Variants in PDE4B observed in about 807,000 individuals in gnomAD.
The protein encoded by PDE4B is phosphodiesterase 4B.
Under a neutral mutation model 82.2 loss-of-function variants are expected in PDE4B, and 20 were observed. The observed-to-expected ratio is 0.24, with a 90% CI of 0.17 to 0.35. PDE4B has a LOEUF of 0.35. Among genes scored for constraint, PDE4B ranks in the 10% least tolerant of loss-of-function variants. PDE4B has a pLI of 1.00. For synonymous variants in PDE4B, 320 were observed against 318.9 expected (o/e 1.00, Z -0.04); for missense variants, 655 against 907.2 (o/e 0.72, Z 3.57).
intron 3 of PDE4B, among the ~76,000 whole-genome samples, chr1:66,149,565 C>T (rs1004211852): frequency 6.6e-6 from 1 of 152,144 alleles, no homozygotes; most frequent in African/African-American, 2.4e-5. Context: ...CTTTCTTCTG[C>T]AACTTAAGGT....
At chr1:66,107,490 A>G (rs539465870) in intron 3 of PDE4B, among the ~76,000 whole-genome samples, 3 of 148,074 alleles carry the variant, frequency 2.0e-5, no homozygotes, top group Non-Finnish European at 4.5e-5. Context: ...AGCTGTTCAC[A>G]TAATTTAGGA....
chr1:66,184,843 C>CT (rs71058455), intron 3 of PDE4B, among the ~76,000 whole-genome samples: 27,658 of 150,744 alleles, frequency 0.18, 2,661 homozygotes, highest in Non-Finnish European at 0.2. Context: ...CCCCAGTTTA[C>CT]TTTTTTTTAT....
At chr1:66,056,989 A>G (rs1655336305) in intron 3 of PDE4B, among the ~76,000 whole-genome samples, 1 of 152,182 alleles carries the variant, frequency 6.6e-6, no homozygotes, top group Non-Finnish European at 1.5e-5. Flanking sequence ...AAACTAATAC[A>G]TGTGTACATT....
intron 7 of PDE4B, among the ~76,000 whole-genome samples, chr1:66,269,578 T>C (rs1205177702): frequency 6.6e-6 from 1 of 152,212 alleles, no homozygotes; most frequent in Non-Finnish European, 1.5e-5. Context: ...CCTGTACATA[T>C]TCACAACAGA....
intron 3 of PDE4B, among the ~76,000 whole-genome samples, chr1:66,012,147 T>A (rs918872369): frequency 6.6e-6 from 1 of 152,142 alleles, no homozygotes; most frequent in South Asian, 2.1e-4. Flanking sequence ...AGTTGGGAAC[T>A]CCTAGGGGTT....
chr1:65,898,702 A>G (rs1197119200), intron 1 of PDE4B, among the ~76,000 whole-genome samples: 1 of 152,116 alleles, frequency 6.6e-6, no homozygotes, highest in African/African-American at 2.4e-5. Context: ...GCAAACAAAA[A>G]CATAAAGTGG....
intron 1 of PDE4B, among the ~76,000 whole-genome samples, chr1:65,873,058 G>A (rs902756425): frequency 6.6e-6 from 1 of 152,142 alleles, no homozygotes; most frequent in African/African-American, 2.4e-5. Flanking sequence ...AAAAGCCCCT[G>A]CTTTTCCAGA....
intron 1 of PDE4B, among the ~76,000 whole-genome samples, chr1:65,871,747 G>T (rs532549472): frequency 3.3e-5 from 5 of 152,232 alleles, no homozygotes; most frequent in African/African-American, 9.6e-5. Context: ...GTGTCTGTCT[G>T]CCTGGCTGAC....
chr1:65,912,132 ACTT>A (rs1315226242), intron 1 of PDE4B, among the ~76,000 whole-genome samples: 1 of 152,090 alleles, frequency 6.6e-6, no homozygotes, highest in Non-Finnish European at 1.5e-5. Context: ...ATGGACTAAT[ACTT>A]CTTGGATTTT....
At chr1:65,958,446 G>C (rs545427150) in intron 3 of PDE4B, among the ~76,000 whole-genome samples, 97 of 151,950 alleles carry the variant, frequency 6.4e-4, no homozygotes, top group African/African-American at 2.3e-3. Flanking sequence ...CCACATTGTG[G>C]TATTTTAAAA....
intron 1 of PDE4B, among the ~76,000 whole-genome samples, chr1:65,804,664 A>C (rs1019260777): frequency 1.3e-5 from 2 of 152,080 alleles, no homozygotes; most frequent in African/African-American, 4.8e-5. Flanking sequence ...ACACCACTAG[A>C]GGTCCAGCTG....
Position 65,883,870 on chromosome 1 carries a change from C to T in PDE4B, c.-70-29375C>T, listed in dbSNP as rs1159433257. Among the ~76,000 whole-genome samples, 18 of 152,132 alleles carry T rather than the reference C, an allele frequency of 1.2e-4. No homozygotes were observed. In the East Asian group the frequency reaches 3.5e-3, roughly 29 times the overall value. On this transcript the variant is annotated intron_variant, in intron 1 of 16. Coordinates refer to ENST00000341517, the MANE Select transcript of PDE4B (RefSeq NM_002600.4). ...TATTGAGAGTTTTCAGCATGAATGG[C>T]CGTTGAATTTTGTCAAAGGCCTTTT...
intron 8 of PDE4B, among the ~76,000 whole-genome samples, chr1:66,343,572 G>A (rs1330386056): frequency 1.3e-5 from 2 of 152,334 alleles, no homozygotes; most frequent in East Asian, 3.8e-4. Flanking sequence ...CAGATTGCAA[G>A]TTTGAATGTT....
At chr1:66,185,596 G>C (rs551131562) in intron 3 of PDE4B, among the ~76,000 whole-genome samples, 3 of 152,262 alleles carry the variant, frequency 2.0e-5, no homozygotes, top group African/African-American at 7.2e-5. Flanking sequence ...GGCCAGTGAT[G>C]ATGAGCATTT....
At chr1:66,355,497 G>A (rs1204494098) in intron 8 of PDE4B, 30 bp from the exon 9 acceptor site, 9 of 1,386,830 alleles carry the variant, frequency 6.5e-6, no homozygotes, top group South Asian at 1.2e-5. Flanking sequence ...TTTTTAAAGT[G>A]GTTAATGCAT....
intron 3 of PDE4B, among the ~76,000 whole-genome samples, chr1:65,994,971 A>G (rs1365430043): frequency 6.6e-6 from 1 of 152,106 alleles, no homozygotes; most frequent in Non-Finnish European, 1.5e-5. Context: ...GCATTATACA[A>G]ATTTTCTGGC....
At chr1:66,246,017 G>A (rs1183024926) in intron 3 of PDE4B, among the ~76,000 whole-genome samples, 1 of 152,162 alleles carries the variant, frequency 6.6e-6, no homozygotes, top group African/African-American at 2.4e-5. Context: ...ACTTTTGGTT[G>A]AATTCAGAGA....
At chr1:65,798,901 G>A (rs1295190723) in intron 1 of PDE4B, among the ~76,000 whole-genome samples, 2 of 152,000 alleles carry the variant, frequency 1.3e-5, no homozygotes, top group Non-Finnish European at 2.9e-5. Context: ...TTACTCTATG[G>A]AACATTTTTT....
chr1:65,872,485 T>C (rs74949765), intron 1 of PDE4B, among the ~76,000 whole-genome samples: 2,276 of 152,294 alleles, frequency 0.015, 72 homozygotes, highest in African/African-American at 0.053. Context: ...AACGCTATCT[T>C]ACTTAGAACT....
Sources: gnomAD v4.1 joint callset for allele counts (sites outside exome capture counted in the v4.1 genomes callset) on GRCh38, gnomAD v4.1.1 for gene constraint, MANE v1.5 for transcripts, NCBI Gene and HGNC (gene_info 2026-07-23, HGNC 2026-07-21) for gene names.